The following DPF3 variants were observed in gnomAD, a reference collection of about 807,000 sequenced individuals.
The protein encoded by DPF3 is double PHD fingers 3, also known as zinc finger protein DPF3.
Under a neutral mutation model 56.8 loss-of-function variants are expected in DPF3, and 18 were observed. That is an observed-to-expected ratio of 0.32 (90% CI 0.22 to 0.47). The LOEUF is 0.47. Ranked by LOEUF, DPF3 falls within the 20% of genes least tolerant of loss-of-function variation. DPF3 has a pLI of 1.00. For synonymous variants in DPF3, 188 were observed against 180.2 expected (o/e 1.04, Z -0.35); for missense variants, 403 against 488.8 (o/e 0.82, Z 1.65).
intron 8 of DPF3, chr14:72,670,114 T>A (rs978743996): frequency 2.0e-6 from 2 of 985,566 alleles, no homozygotes; most frequent in Non-Finnish European, 2.4e-6. Flanking sequence ...TAAAAAAAAA[T>A]AGAAGAAATA....
At chr14:72,806,294 C>T (rs965794968) in intron 1 of DPF3, among the ~76,000 whole-genome samples, 1 of 152,208 alleles carries the variant, frequency 6.6e-6, no homozygotes, top group African/African-American at 2.4e-5. Context: ...GGTCCTGCTG[C>T]TCAACCAACG....
intron 1 of DPF3, among the ~76,000 whole-genome samples, chr14:72,883,663 T>C (rs1164670135): frequency 1.3e-5 from 2 of 152,124 alleles, no homozygotes; most frequent in Non-Finnish European, 2.9e-5. Flanking sequence ...CATGGTGGCT[T>C]ACGCCTGTAA....
At chr14:72,789,115 G>A (rs1892327002) in intron 1 of DPF3, among the ~76,000 whole-genome samples, 1 of 152,196 alleles carries the variant, frequency 6.6e-6, no homozygotes, top group East Asian at 1.9e-4. Flanking sequence ...GCACGTTGCA[G>A]TCCTGGCTGT....
At chr14:72,866,970 G>A (rs558703315) in intron 1 of DPF3, among the ~76,000 whole-genome samples, 19 of 150,276 alleles carry the variant, frequency 1.3e-4, no homozygotes, top group African/African-American at 4.1e-4. Context: ...ACCAGACCAC[G>A]AAATCTCCAG....
intron 1 of DPF3, among the ~76,000 whole-genome samples, chr14:72,809,650 G>T (rs1882949269): frequency 6.6e-6 from 1 of 152,162 alleles, no homozygotes; most frequent in Non-Finnish European, 1.5e-5. Context: ...GTGGCACTGG[G>T]CTCCACAGGC....
intron 1 of DPF3, among the ~76,000 whole-genome samples, chr14:72,854,237 T>C (rs1230201540): frequency 6.6e-6 from 1 of 152,024 alleles, no homozygotes; most frequent in Non-Finnish European, 1.5e-5. Flanking sequence ...CATGCTATAG[T>C]CCCAGCTACT....
chr14:72,657,748 T>C (rs1886097465), intron 8 of DPF3, among the ~76,000 whole-genome samples: 1 of 152,194 alleles, frequency 6.6e-6, no homozygotes, highest in African/African-American at 2.4e-5. Context: ...TAAAGTTTTA[T>C]TGGAACACAG....
At chr14:72,860,122 T>C (rs1360711068) in intron 1 of DPF3, among the ~76,000 whole-genome samples, 1 of 152,180 alleles carries the variant, frequency 6.6e-6, no homozygotes, top group Non-Finnish European at 1.5e-5. Context: ...TTGACCAAAG[T>C]TCTCCCCACT....
intron 5 of DPF3, among the ~76,000 whole-genome samples, chr14:72,716,805 T>C (rs1888948786): frequency 6.6e-6 from 1 of 152,162 alleles, no homozygotes; most frequent in Admixed American, 6.5e-5. Flanking sequence ...TGCTTCTTCC[T>C]CCAAAGGCCA....
At chr14:72,751,267 G>T (rs1351931108) in intron 3 of DPF3, among the ~76,000 whole-genome samples, 1 of 152,254 alleles carries the variant, frequency 6.6e-6, no homozygotes, top group East Asian at 1.9e-4. Flanking sequence ...AATAAATTTT[G>T]GAAGTTTTTA....
intron 1 of DPF3, among the ~76,000 whole-genome samples, chr14:72,815,657 G>A (rs887044001): frequency 6.6e-6 from 1 of 152,220 alleles, no homozygotes; most frequent in Non-Finnish European, 1.5e-5. Context: ...CAGTAACATG[G>A]ATAAGTCTTA....
intron 8 of DPF3, among the ~76,000 whole-genome samples, chr14:72,656,498 C>T (rs1047342816): frequency 2.0e-5 from 3 of 152,210 alleles, no homozygotes; most frequent in Admixed American, 6.5e-5. Flanking sequence ...CCACTGTCAT[C>T]ACCTCTCAAA....
intron 1 of DPF3, chr14:72,879,725 G>A (rs1886254288): frequency 2.1e-6 from 3 of 1,446,338 alleles, no homozygotes; most frequent in Admixed American, 5.0e-5. Context: ...TGTGACAAGA[G>A]TCGTCTCTCT....
intron 8 of DPF3, chr14:72,660,970 T>C: frequency 1.2e-5 from 9 of 760,284 alleles, no homozygotes; most frequent in Non-Finnish European, 1.4e-5. Flanking sequence ...CAGGAGTCCC[T>C]GCCGCATGAC....
rs79565618 is a variant in DPF3 at position 72,808,887 on chromosome 14, T to C, written c.33-36994A>G. Reference sequence around the variant, plus strand: ...CAATCCTACTAATTTGGGTTCTAGCTCCAACCATACTACCTACCTGCTGTG... The same window carrying C: ...CAATCCTACTAATTTGGGTTCTAGCCCCAACCATACTACCTACCTGCTGTG... On this transcript the variant is annotated intron_variant, in intron 1 of 10. Transcript: ENST00000556509. Among the ~76,000 whole-genome samples the C allele has an allele frequency of 7.9e-4, 121 of 152,328 alleles. 1 individual carries two copies. Among genetic ancestry groups the C allele is most frequent in the African/African-American group, 2.7e-3 (111 of 41,572 alleles).
Position 72,680,850 on chromosome 14 carries a change from C to A in DPF3, c.743-6482G>T, listed in dbSNP as rs1277620823. ...CCGGGGTTTTGACTGCGTTGCCGAT[C>A]TAGAGGCAAGAGAACACGCTAGGTG... is the stretch of plus-strand genomic sequence containing the variant. On this transcript the variant is annotated intron_variant, in intron 7 of 10. Coordinates refer to ENST00000556509, the MANE Select transcript of DPF3 (RefSeq NM_001280542.3). Among the ~76,000 whole-genome samples, 4 of 152,252 alleles carry A rather than the reference C, an allele frequency of 2.6e-5. 1 individual carries two copies. The highest frequency in any genetic ancestry group is 4.4e-5 in the Non-Finnish European group (3 of 68,044).
At chr14:72,730,284 C>T (rs1889587215) in intron 4 of DPF3, among the ~76,000 whole-genome samples, 1 of 151,908 alleles carries the variant, frequency 6.6e-6, no homozygotes. Context: ...GTGTGAGAGA[C>T]AAGCAGGAGT....
chr14:72,657,701 T>C (rs890540071), intron 8 of DPF3, among the ~76,000 whole-genome samples: 5 of 152,208 alleles, frequency 3.3e-5, no homozygotes, highest in Non-Finnish European at 5.9e-5. Flanking sequence ...AACTATGTCT[T>C]GTGGGCCAAA....
chr14:72,891,947 G>T (rs1324695313), intron 1 of DPF3, among the ~76,000 whole-genome samples: 2 of 152,130 alleles, frequency 1.3e-5, no homozygotes. Flanking sequence ...CCAGAATTCC[G>T]CCACCTTCTT....
Sources: allele counts gnomAD v4.1 joint callset (sites outside exome capture counted in the v4.1 genomes callset), GRCh38; gene constraint gnomAD v4.1.1; transcripts MANE v1.5; gene names NCBI Gene and HGNC (gene_info 2026-07-23, HGNC 2026-07-21).